The following AP2B1 variants were observed in gnomAD, a reference collection of about 807,000 sequenced individuals.
AP2B1 encodes adaptor related protein complex 2 subunit beta 1.
A neutral mutation model predicts 102.0 loss-of-function variants in AP2B1; 23 were observed. The observed-to-expected ratio is 0.23, with a 90% CI of 0.16 to 0.32. The LOEUF (loss-of-function observed/expected upper bound fraction) is 0.32, where lower values mean the gene tolerates loss of function less well. AP2B1 is among the 10% of genes least tolerant of loss of function. AP2B1 has a pLI of 1.00. For missense variants in AP2B1, 541 were observed against 1,157.4 expected (o/e 0.47, Z 7.73); for synonymous variants, 381 against 421.2 (o/e 0.90, Z 1.17).
At chr17:35,706,853 A>G (rs1207121846) in intron 18 of AP2B1, among the ~76,000 whole-genome samples, 2 of 151,894 alleles carry the variant, frequency 1.3e-5, no homozygotes, top group African/African-American at 2.4e-5. Flanking sequence ...GGGTTTCACC[A>G]TCTGGCCAGG....
At chr17:35,719,481 A>G (rs2085290672) in intron 21 of AP2B1, among the ~76,000 whole-genome samples, 2 of 152,244 alleles carry the variant, frequency 1.3e-5, no homozygotes, top group South Asian at 2.1e-4. Context: ...TAAATTACAC[A>G]TGTAACATGT....
intron 20 of AP2B1, among the ~76,000 whole-genome samples, chr17:35,714,622 A>C (rs1253531638): frequency 6.6e-6 from 1 of 152,154 alleles, no homozygotes; most frequent in Non-Finnish European, 1.5e-5. Flanking sequence ...AGGCAGGAGG[A>C]TAATGTGAGC....
intron 20 of AP2B1, chr17:35,713,738 A>G (rs1446604993): frequency 2.6e-5 from 4 of 152,240 alleles, no homozygotes; most frequent in African/African-American, 7.2e-5. Context: ...CTTTCTAGAG[A>G]ATAAAGAAAG....
At chr17:35,651,507 A>G (rs1456373178) in intron 13 of AP2B1, among the ~76,000 whole-genome samples, 2 of 152,200 alleles carry the variant, frequency 1.3e-5, no homozygotes, top group African/African-American at 2.4e-5. Context: ...TTCATCAATC[A>G]TAGTAGACCT....
At chr17:35,635,075 A>G (rs1399675172) in intron 9 of AP2B1, among the ~76,000 whole-genome samples, 1 of 152,142 alleles carries the variant, frequency 6.6e-6, no homozygotes, top group Non-Finnish European at 1.5e-5. Flanking sequence ...GGTTGGGGGC[A>G]TAGTCTCGCT....
At chr17:35,643,724 C>A (rs2074849621) in intron 12 of AP2B1, among the ~76,000 whole-genome samples, 1 of 152,174 alleles carries the variant, frequency 6.6e-6, no homozygotes, top group Non-Finnish European at 1.5e-5. Context: ...TACGCTGATA[C>A]TAAAATACTA....
At chr17:35,613,974 G>A (rs749414003) in intron 5 of AP2B1, among the ~76,000 whole-genome samples, 2 of 152,132 alleles carry the variant, frequency 1.3e-5, no homozygotes, top group South Asian at 2.1e-4. Flanking sequence ...GCAAGAAAAT[G>A]TGTATCTTTT....
intron 21 of AP2B1, among the ~76,000 whole-genome samples, chr17:35,718,781 CT>C (rs1317582372): frequency 1.3e-5 from 2 of 150,160 alleles, no homozygotes; most frequent in Admixed American, 1.3e-4. Flanking sequence ...TTTTTTTTTC[CT>C]TTTTTTCTTT....
chr17:35,667,933 A>ATTTTTTT (rs34486349), intron 14 of AP2B1, among the ~76,000 whole-genome samples: 1 of 120,176 alleles, frequency 8.3e-6, no homozygotes, highest in African/African-American at 3.3e-5. Flanking sequence ...CGCTGCTCAA[A>ATTTTTTT]TTTTTTTTTT....
At chr17:35,616,259 G>T (rs1388006247) in intron 5 of AP2B1, among the ~76,000 whole-genome samples, 1 of 133,082 alleles carries the variant, frequency 7.5e-6, no homozygotes, top group African/African-American at 2.9e-5. Context: ...CCGCCTCCCG[G>T]GTTCATGCCA....
In AP2B1 at chr17:35,717,183, CTG is replaced by C. The variant is rs1485533589; in HGVS notation, c.2627-10_2627-9del. ...TAACTGAAGGTGTTGGATTTTGAAT[CTG>C]TATTTCTAGACACTGTTTCCAGCAA... is the stretch of plus-strand genomic sequence containing the variant. On this transcript the variant is annotated splice_polypyrimidine_tract_variant and intron_variant, in intron 20 of 21. Coordinates refer to ENST00000610402, the MANE Select transcript of AP2B1 (RefSeq NM_001030006.2). 6.2e-7 allele frequency: 1 copy of C among 1,612,452 alleles called. No individual in the cohort carries two copies. Among genetic ancestry groups the C allele is most frequent in the Non-Finnish European group, 8.5e-7 (1 of 1,179,242 alleles).
chr17:35,636,059 T>A (rs1306948994), intron 9 of AP2B1, among the ~76,000 whole-genome samples: 1 of 152,084 alleles, frequency 6.6e-6, no homozygotes, highest in Non-Finnish European at 1.5e-5. Flanking sequence ...AAAATTAATA[T>A]CCCTGACATA....
At chr17:35,651,855 G>A (rs2075094568) in intron 13 of AP2B1, among the ~76,000 whole-genome samples, 1 of 152,088 alleles carries the variant, frequency 6.6e-6, no homozygotes, top group Admixed American at 6.6e-5. Context: ...AAGTTAGGGT[G>A]TTTCTCCTTG....
chr17:35,697,971 CA>C (rs1287567529), intron 18 of AP2B1, among the ~76,000 whole-genome samples: 1 of 151,958 alleles, frequency 6.6e-6, no homozygotes, highest in Non-Finnish European at 1.5e-5. Flanking sequence ...AAAGCTAGGG[CA>C]AAAAAGTTGT....
chr17:35,595,273 G>A (rs192205962), intron 2 of AP2B1, among the ~76,000 whole-genome samples: 15 of 152,318 alleles, frequency 9.8e-5, no homozygotes, highest in Admixed American at 3.9e-4. Context: ...GCCAGGCATG[G>A]TGGCTTATGC....
chr17:35,623,560 T>A (rs908897860), intron 5 of AP2B1, among the ~76,000 whole-genome samples: 3 of 152,082 alleles, frequency 2.0e-5, no homozygotes, highest in African/African-American at 7.2e-5. Flanking sequence ...AATACTGTAT[T>A]TCATTGAATC....
intron 3 of AP2B1, among the ~76,000 whole-genome samples, chr17:35,599,973 C>G (rs988758358): frequency 6.6e-6 from 1 of 152,078 alleles, no homozygotes; most frequent in African/African-American, 2.4e-5. Context: ...CAATCAAGTA[C>G]AAAAAGTTTA....
intron 3 of AP2B1, among the ~76,000 whole-genome samples, chr17:35,599,295 A>T (rs1182926961): frequency 3.3e-5 from 5 of 152,238 alleles, no homozygotes; most frequent in Non-Finnish European, 7.3e-5. Flanking sequence ...AGACTTTGGT[A>T]TTTGGGAGAT....
rs750845853 is a variant in AP2B1, at chr17:35,714,640, G to A, written c.2627-2555G>A. On this transcript the variant is annotated intron_variant, in intron 20 of 21. Transcript: ENST00000610402. ...CAGGAGGATAATGTGAGCCTGGGAG[G>A]TCGAGACTGCAGTGAGCCATGATCA... is the stretch of plus-strand genomic sequence containing the variant. 9.2e-4 allele frequency among the ~76,000 whole-genome samples: 140 copies of A among 152,242 alleles called. 1 individual carries two copies. The highest frequency in any genetic ancestry group is 1.7e-3 in the Non-Finnish European group (118 of 68,020).
Sources: gnomAD v4.1 joint callset for allele counts (sites outside exome capture counted in the v4.1 genomes callset) on GRCh38, gnomAD v4.1.1 for gene constraint, MANE v1.5 for transcripts, NCBI Gene and HGNC (gene_info 2026-07-23, HGNC 2026-07-21) for gene names.